Variants in TAFA2 observed in about 807,000 individuals in gnomAD.
TAFA2 encodes the protein TAFA chemokine like family member 2.
A neutral mutation model predicts 18.8 loss-of-function variants in TAFA2; 7 were observed. The observed-to-expected ratio is 0.37, with a 90% CI of 0.21 to 0.70. The LOEUF (loss-of-function observed/expected upper bound fraction) is 0.70, where lower values mean the gene tolerates loss of function less well. TAFA2 is among the 30% of genes least tolerant of loss of function. The pLI, the probability that TAFA2 is intolerant of heterozygous loss-of-function variation, is 0.53. For synonymous variants in TAFA2, 60 were observed against 54.2 expected (o/e 1.11, Z -0.47); for missense variants, 122 against 158.1 (o/e 0.77, Z 1.23).
At position 61,807,909 on chromosome 12, in the gene TAFA2, T is replaced by C. The variant is rs1871693079; in HGVS notation, c.107-52885A>G. On this transcript the variant is annotated intron_variant, in intron 2 of 4. Coordinates refer to ENST00000416284, the MANE Select transcript of TAFA2 (RefSeq NM_178539.5). ...GTATCTAGGAAGTAACTAACTTGCT[T>C]TTGATTTTACAGGCTCATAGGCAGA... is the stretch of plus-strand genomic sequence containing the variant. 2.0e-5 allele frequency among the ~76,000 whole-genome samples: 3 copies of C among 151,524 alleles called. No individual in the cohort carries two copies. The South Asian group carries it at 6.2e-4, about 31-fold the overall frequency.
intron 1 of TAFA2, among the ~76,000 whole-genome samples, chr12:62,160,467 A>C (rs1565765227): frequency 6.6e-6 from 1 of 152,220 alleles, no homozygotes; most frequent in Non-Finnish European, 1.5e-5. Flanking sequence ...TTCTCCTAGT[A>C]AACTGTGACC....
At chr12:61,873,964 C>A (rs1051746499) in intron 1 of TAFA2, among the ~76,000 whole-genome samples, 2 of 152,206 alleles carry the variant, frequency 1.3e-5, no homozygotes, top group East Asian at 3.9e-4. Flanking sequence ...AATAATGTAA[C>A]TCATACATAT....
At chr12:61,980,469 A>T (rs1451502618) in intron 1 of TAFA2, among the ~76,000 whole-genome samples, 2 of 152,182 alleles carry the variant, frequency 1.3e-5, no homozygotes, top group Non-Finnish European at 1.5e-5. Context: ...GAAATCAGGC[A>T]AGAGAAAGAA....
At position 62,206,901 on chromosome 12, in the gene TAFA2, T is replaced by C. The variant is rs201779754; in HGVS notation, c.-130+51862A>G. 17 of 152,314 alleles carry C rather than the reference T, an allele frequency of 1.1e-4. No homozygotes were observed. In the East Asian group the frequency reaches 3.3e-3, roughly 29 times the overall value. The allele number at this position is 152,314 out of a possible 1,614,324, so 9.4% of individuals were successfully genotyped here. A position where few individuals can be genotyped will look rare whatever the true frequency, so the allele number is the denominator to read the frequency against. On this transcript the variant is annotated intron_variant, in intron 1 of 5. Coordinates refer to the TAFA2 transcript ENST00000551619. Reference sequence around the variant, plus strand: ...GTTTTTTTTACCATGTTTCAAAGTATTGAGTTCATGATATAAAGAATATGT... The same window carrying C: ...GTTTTTTTTACCATGTTTCAAAGTACTGAGTTCATGATATAAAGAATATGT...
At chr12:61,710,504 T>G in intron 4 of TAFA2, 87 bp from the exon 5 acceptor site, 1 of 1,136,602 alleles carries the variant, frequency 8.8e-7, no homozygotes, top group Non-Finnish European at 1.3e-6. Context: ...AATAGATAAC[T>G]CAAAATGCTG....
At chr12:61,956,029 A>T (rs938107853) in intron 1 of TAFA2, among the ~76,000 whole-genome samples, 31 of 152,268 alleles carry the variant, frequency 2.0e-4, no homozygotes, top group Middle Eastern at 3.4e-3. Flanking sequence ...AGACAATAAC[A>T]CACGAATAAC....
intron 1 of TAFA2, among the ~76,000 whole-genome samples, chr12:61,979,084 A>G (rs890579498): frequency 2.6e-5 from 4 of 152,084 alleles, no homozygotes; most frequent in Admixed American, 6.6e-5. Flanking sequence ...ACTAAATGAC[A>G]TTTGCCATTT....
At chr12:61,858,918 A>G (rs1873999862) in intron 2 of TAFA2, among the ~76,000 whole-genome samples, 1 of 152,244 alleles carries the variant, frequency 6.6e-6, no homozygotes, top group South Asian at 2.1e-4. Context: ...ATACTATTAC[A>G]TGAAATGCTA....
At chr12:61,918,291 C>A (rs184439148) in intron 1 of TAFA2, among the ~76,000 whole-genome samples, 6 of 152,216 alleles carry the variant, frequency 3.9e-5, no homozygotes, top group Admixed American at 1.3e-4. Context: ...AACCATCCCC[C>A]CTTTTCCCCA....
At chr12:61,713,060 C>T (rs539542227) in intron 4 of TAFA2, among the ~76,000 whole-genome samples, 2 of 152,278 alleles carry the variant, frequency 1.3e-5, no homozygotes, top group African/African-American at 4.8e-5. Context: ...AAGAATCACA[C>T]TATTAAATTT....
intron 1 of TAFA2, among the ~76,000 whole-genome samples, chr12:62,052,194 G>A (rs377691172): frequency 1.9e-5 from 1 of 51,362 alleles, no homozygotes; most frequent in East Asian, 5.7e-4. Flanking sequence ...GTGTGCATGC[G>A]TGCGTGTGTG....
chr12:61,950,226 G>T (rs538737415), intron 1 of TAFA2, among the ~76,000 whole-genome samples: 3 of 152,164 alleles, frequency 2.0e-5, no homozygotes, highest in African/African-American at 7.2e-5. Flanking sequence ...CTATGAAAAA[G>T]GGTGTGCAAA....
chr12:62,240,707 A>G (rs970938803), intron 1 of TAFA2, among the ~76,000 whole-genome samples: 11 of 152,292 alleles, frequency 7.2e-5, no homozygotes, highest in Admixed American at 2.6e-4. Context: ...CATCCAATAA[A>G]GCAGGGGTTC....
chr12:61,981,699 CA>C (rs1208255717), intron 1 of TAFA2, among the ~76,000 whole-genome samples: 1 of 152,144 alleles, frequency 6.6e-6, no homozygotes, highest in Non-Finnish European at 1.5e-5. Context: ...CCAACAGACA[CA>C]TGAAAAAATG....
At chr12:61,779,528 C>A (rs1221492928) in intron 2 of TAFA2, among the ~76,000 whole-genome samples, 1 of 151,846 alleles carries the variant, frequency 6.6e-6, no homozygotes, top group Non-Finnish European at 1.5e-5. Context: ...CCTATGCTCA[C>A]CCTGAAGTGT....
intron 2 of TAFA2, among the ~76,000 whole-genome samples, chr12:61,802,956 A>T (rs1468697010): frequency 6.6e-6 from 1 of 151,996 alleles, no homozygotes; most frequent in Admixed American, 6.6e-5. Context: ...TTAGTGTCAG[A>T]GAGCTCCATG....
chr12:62,192,667 T>C lies in TAFA2; in HGVS notation c.-1410A>G, dbSNP rs893933018. 2 of 152,304 alleles carry C rather than the reference T, an allele frequency of 1.3e-5. No homozygotes were observed. Among genetic ancestry groups the C allele is most frequent in the African/African-American group, 4.8e-5 (2 of 41,460 alleles). The allele number at this position is 152,304 out of a possible 1,614,324, so 9.4% of individuals were successfully genotyped here. Reference sequence around the variant, plus strand: ...AGCGAGAATGCAGGAGAATAGGTCCTGACACTCCAGGTTGAGTTAAGCAGT... The same window carrying C: ...AGCGAGAATGCAGGAGAATAGGTCCCGACACTCCAGGTTGAGTTAAGCAGT... On this transcript the variant is annotated 5_prime_UTR_variant, in exon 1 of 5. Transcript: ENST00000416284.
intron 2 of TAFA2, among the ~76,000 whole-genome samples, chr12:61,805,245 T>A (rs1871562564): frequency 1.3e-5 from 2 of 152,012 alleles, no homozygotes; most frequent in African/African-American, 4.8e-5. Flanking sequence ...CAATATTTAC[T>A]CCCTAAATTG....
At chr12:61,716,448 C>A (rs1312295355) in intron 4 of TAFA2, among the ~76,000 whole-genome samples, 1 of 152,056 alleles carries the variant, frequency 6.6e-6, no homozygotes, top group Non-Finnish European at 1.5e-5. Flanking sequence ...TATTATTTTT[C>A]TTTGAGTTCT....
Sources: allele counts gnomAD v4.1 joint callset (sites outside exome capture counted in the v4.1 genomes callset), GRCh38; gene constraint gnomAD v4.1.1; transcripts MANE v1.5; gene names NCBI Gene and HGNC (gene_info 2026-07-23, HGNC 2026-07-21).